The following CD226 variants were observed in gnomAD, a reference collection of about 807,000 sequenced individuals.
CD226 encodes the protein CD226 molecule, also known as CD226 antigen.
CD226 carries 24 observed loss-of-function variants against 34.9 expected under a neutral mutation model. That is an observed-to-expected ratio of 0.69 (90% CI 0.50 to 0.97). The LOEUF is 0.97. CD226 is among the 50% of genes least tolerant of loss of function. The probability of loss-of-function intolerance (pLI) is 0.00; values close to 1 mark genes in which losing one functional copy is unlikely to be tolerated. For missense variants in CD226, 397 were observed against 412.7 expected, an observed-to-expected ratio of 0.96 and a Z score of 0.33; for synonymous variants, 148 against 147.4, an observed-to-expected ratio of 1.00 and a Z score of -0.03.
chr18:69,931,958 G>A (rs971277545), intron 2 of CD226, among the ~76,000 whole-genome samples: 1 of 152,142 alleles, frequency 6.6e-6, no homozygotes, highest in Admixed American at 6.5e-5. Context: ...GGTGCCAGCA[G>A]GGTTGATTCC....
intron 2 of CD226, among the ~76,000 whole-genome samples, chr18:69,909,994 ACAT>A (rs1277242250): frequency 2.0e-5 from 3 of 152,256 alleles, no homozygotes; most frequent in African/African-American, 7.2e-5. Context: ...ATTATCAATG[ACAT>A]GTATGTACAC....
chr18:69,948,254 A>G (rs1434408368), upstream of CD226, among the ~76,000 whole-genome samples: 1 of 152,184 alleles, frequency 6.6e-6, no homozygotes, highest in Non-Finnish European at 1.5e-5. Flanking sequence ...CTTATAAAAT[A>G]CAAGTTCCAA....
upstream of CD226, among the ~76,000 whole-genome samples, chr18:69,950,037 CACAT>C (rs575616068): frequency 6.6e-6 from 1 of 152,040 alleles, no homozygotes; most frequent in Non-Finnish European, 1.5e-5. Context: ...TGCAGGTGCA[CACAT>C]ACTCTCAAAC....
intron 2 of CD226, among the ~76,000 whole-genome samples, chr18:69,897,765 T>C (rs935746415): frequency 1.3e-5 from 2 of 152,086 alleles, no homozygotes; most frequent in African/African-American, 4.8e-5. Context: ...TGAAAGCAAG[T>C]CTAAAGTGCA....
At chr18:69,925,071 A>T (rs1424695891) in intron 2 of CD226, among the ~76,000 whole-genome samples, 1 of 152,224 alleles carries the variant, frequency 6.6e-6, no homozygotes, top group Non-Finnish European at 1.5e-5. Flanking sequence ...AAACGTTCTC[A>T]CCGGGAACAA....
chr18:69,913,202 A>G (rs1426251339), intron 2 of CD226, among the ~76,000 whole-genome samples: 1 of 152,160 alleles, frequency 6.6e-6, no homozygotes, highest in Non-Finnish European at 1.5e-5. Context: ...CTTTCCCAAT[A>G]GCAGTGGAGA....
chr18:69,912,168 TA>T (rs1309535539), intron 2 of CD226, among the ~76,000 whole-genome samples: 2 of 152,186 alleles, frequency 1.3e-5, no homozygotes, highest in African/African-American at 4.8e-5. Flanking sequence ...ATTAAAGACT[TA>T]AATGTTAGAC....
At chr18:69,906,572 ATG>A (rs2055256061) in intron 2 of CD226, among the ~76,000 whole-genome samples, 1 of 152,210 alleles carries the variant, frequency 6.6e-6, no homozygotes, top group Non-Finnish European at 1.5e-5. Context: ...ATTCACCCTT[ATG>A]GCTCTCTCCT....
chr18:69,883,962 C>T (rs1291898655), intron 3 of CD226, among the ~76,000 whole-genome samples: 1 of 152,244 alleles, frequency 6.6e-6, no homozygotes, highest in Admixed American at 6.5e-5. Flanking sequence ...AAGGGATAAA[C>T]TGCCTGGGCA....
intron 2 of CD226, among the ~76,000 whole-genome samples, chr18:69,908,619 T>C (rs1285533268): frequency 7.0e-6 from 1 of 143,334 alleles, no homozygotes; most frequent in Non-Finnish European, 1.5e-5. Flanking sequence ...TTGTAGCCCC[T>C]TTTCCCTCCA....
chr18:69,897,877 A>G (rs561934106), intron 2 of CD226, among the ~76,000 whole-genome samples: 3 of 150,194 alleles, frequency 2.0e-5, no homozygotes, highest in Admixed American at 6.6e-5. Context: ...CATGTGTCAA[A>G]ATGTTGTAAA....
chr18:69,955,862 CAAAAAA>C (rs10659184), intron 1 of CD226, among the ~76,000 whole-genome samples: 6 of 83,234 alleles, frequency 7.2e-5, no homozygotes, highest in East Asian at 3.8e-4. Context: ...GACTCCATCT[CAAAAAA>C]AAAAAAAAAA....
At chr18:69,914,662 T>G (rs2055364529) in intron 2 of CD226, among the ~76,000 whole-genome samples, 1 of 152,200 alleles carries the variant, frequency 6.6e-6, no homozygotes, top group African/African-American at 2.4e-5. Context: ...GCTGTCATTC[T>G]GTTACTCCCA....
At chr18:69,888,617 C>T (rs1040545783) in intron 3 of CD226, among the ~76,000 whole-genome samples, 2 of 151,952 alleles carry the variant, frequency 1.3e-5, no homozygotes, top group Non-Finnish European at 2.9e-5. Flanking sequence ...GACTTGTAGT[C>T]TAAGTTCCCA....
At chr18:69,956,986 C>T (rs1438442790) in exon 1 of CD226, 1 of 152,206 alleles carries the variant, frequency 6.6e-6, no homozygotes. Flanking sequence ...ACCAGAACTT[C>T]CTCAGATAGC....
chr18:69,961,382 C>T (rs1412601213), upstream of CD226, among the ~76,000 whole-genome samples: 1 of 152,172 alleles, frequency 6.6e-6, no homozygotes, highest in Non-Finnish European at 1.5e-5. Flanking sequence ...CATTATTAAG[C>T]AGGTCAGGCT....
At chr18:69,935,736 T>A (rs17081896) in intron 2 of CD226, among the ~76,000 whole-genome samples, 1 of 152,192 alleles carries the variant, frequency 6.6e-6, no homozygotes, top group Non-Finnish European at 1.5e-5. Flanking sequence ...ACTCACAGAA[T>A]GTTCTGAGGT....
At chr18:69,901,690 T>TAC (rs2055186258) in intron 2 of CD226, among the ~76,000 whole-genome samples, 1 of 151,932 alleles carries the variant, frequency 6.6e-6, no homozygotes, top group Non-Finnish European at 1.5e-5. Context: ...CCATCCTGGC[T>TAC]AACATGGTGA....
chr18:69,928,074 A>C (rs1295365640), intron 2 of CD226, among the ~76,000 whole-genome samples: 3 of 152,230 alleles, frequency 2.0e-5, no homozygotes, highest in African/African-American at 7.2e-5. Context: ...GTTTCAAACC[A>C]TTTAGAAAGA....
Sources: allele counts gnomAD v4.1 joint callset (sites outside exome capture counted in the v4.1 genomes callset), GRCh38; gene constraint gnomAD v4.1.1; transcripts MANE v1.5; gene names NCBI Gene and HGNC (gene_info 2026-07-23, HGNC 2026-07-21).